The following PPP2R1A variants were observed in gnomAD, a reference collection of about 807,000 sequenced individuals.
The protein encoded by PPP2R1A is serine/threonine-protein phosphatase 2A 65 kDa regulatory subunit A alpha isoform.
In PPP2R1A, 15 loss-of-function variants were observed where a neutral mutation model predicts 67.1. That is an observed-to-expected ratio of 0.22 (90% CI 0.15 to 0.34). PPP2R1A has a LOEUF of 0.34. PPP2R1A is among the 10% of genes least tolerant of loss of function. The pLI is 1.00. For missense variants in PPP2R1A, 369 were observed against 775.0 expected (o/e 0.48, Z 6.22); for synonymous variants, 337 against 325.0 (o/e 1.04, Z -0.40).
chr19:52,201,202 G>A (rs1277546434), intron 1 of PPP2R1A: 2 of 152,268 alleles, frequency 1.3e-5, no homozygotes, highest in South Asian at 2.1e-4. Context: ...TGACGTGCAC[G>A]TCACTGGGAC....
At chr19:52,204,203 G>C (rs541178566) in intron 2 of PPP2R1A, among the ~76,000 whole-genome samples, 1 of 152,350 alleles carries the variant, frequency 6.6e-6, no homozygotes, top group South Asian at 2.1e-4. Flanking sequence ...GAGCAAGATT[G>C]TTAAGGGAGA....
At position 52,219,771 on chromosome 19, in the gene PPP2R1A, C is replaced by G; in HGVS notation, c.1209C>G (p.Ser403=). Residue 403 remains serine, a synonymous_variant, in exon 10 of 15, where the codon TCC becomes TCG. Transcript: ENST00000322088. The surrounding 1 kb of genome is among the most constrained non-coding windows in gnomAD (Gnocchi z 4.0). ...TTGGCATCCGGCAGCTGTCCCAGTC[C>G]CTGCTCCCTGCCATTGTGGAGCTGG... ...EVIGIRQLSQ[S]LLPAIVELAE... The G allele has an allele frequency of 6.2e-7, 1 of 1,614,070 alleles. No individual in the cohort carries two copies. The highest frequency in any genetic ancestry group is 8.5e-7 in the Non-Finnish European group (1 of 1,180,046).
rs1600168554 is a variant in PPP2R1A, at chr19:52,213,455, G to GTGTTTTT, written c.807+347_807+353dup. On this transcript the variant is annotated intron_variant, in intron 6 of 14. Transcript: ENST00000322088. The surrounding 1 kb of genome is among the most constrained non-coding windows in gnomAD (Gnocchi z 4.2). Reference sequence around the variant, plus strand: ...CAGCCCAAAAAGGTGGGGTTTTTTGGTGTTTTTTTTTTTTTTTTTTTTTTT... The same window carrying GTGTTTTT: ...CAGCCCAAAAAGGTGGGGTTTTTTGGTGTTTTTTGTTTTTTTTTTTTTTTTTTTTTTT... Among the ~76,000 whole-genome samples, 1 of 112,982 alleles carries GTGTTTTT rather than the reference G, an allele frequency of 8.9e-6. No individual in the cohort carries two copies. The highest frequency in any genetic ancestry group is 2.6e-4 in the East Asian group (1 of 3,824). 74.1% of individuals were successfully genotyped at this position (112,982 alleles called of 152,430 possible). A position where few individuals can be genotyped will look rare whatever the true frequency, so the allele number is the denominator to read the frequency against.
Position 52,219,654 on chromosome 19 carries a change from AT to A in PPP2R1A, c.1129-35del, listed in dbSNP as rs768773150. ...CATCCTGTCCTGGGTTGCTGTGTGC[AT>A]TGCATTCTCTCAGAATCCTTCTTTC... is the stretch of plus-strand genomic sequence containing the variant. On this transcript the variant is annotated intron_variant, in intron 9 of 14. Coordinates refer to ENST00000322088, the MANE Select transcript of PPP2R1A (RefSeq NM_014225.6). The surrounding 1 kb of genome is among the most constrained non-coding windows in gnomAD (Gnocchi z 4.0). 1.2e-4 allele frequency: 189 copies of A among 1,578,882 alleles called. No individual in the cohort carries two copies. Among genetic ancestry groups the A allele is most frequent in the Non-Finnish European group, 1.6e-4 (186 of 1,155,208 alleles).
chr19:52,212,483 T>C lies in PPP2R1A; in HGVS notation c.504-203T>C. 1 of 605,358 alleles carries C rather than the reference T, an allele frequency of 1.7e-6. No homozygotes were observed. 37.5% of individuals were successfully genotyped at this position (605,358 alleles called of 1,614,324 possible). A position where few individuals can be genotyped will look rare whatever the true frequency, so the allele number is the denominator to read the frequency against. Reference sequence around the variant, plus strand: ...TCTGCGAAGTGTCTCACACACACTATTTTCATTTAAACCTCATGCGGACCT... The same window carrying C: ...TCTGCGAAGTGTCTCACACACACTACTTTCATTTAAACCTCATGCGGACCT... On this transcript the variant is annotated intron_variant, in intron 4 of 14. Coordinates refer to ENST00000322088, the MANE Select transcript of PPP2R1A (RefSeq NM_014225.6). The surrounding 1 kb of genome is among the most constrained non-coding windows in gnomAD (Gnocchi z 4.1).
intron 1 of PPP2R1A, among the ~76,000 whole-genome samples, chr19:52,199,648 C>T (rs374055658): frequency 3.7e-4 from 57 of 152,312 alleles, no homozygotes; most frequent in African/African-American, 1.3e-3. Flanking sequence ...TGGTTGTTTT[C>T]AGTGCCACGC....
intron 7 of PPP2R1A, 47 bp from the exon 8 acceptor site, chr19:52,215,957 A>T (rs758079430): frequency 6.2e-7 from 1 of 1,609,134 alleles, no homozygotes; most frequent in Non-Finnish European, 8.5e-7. Context: ...AGGTGGAACT[A>T]GCACATCAGG....
intron 3 of PPP2R1A, among the ~76,000 whole-genome samples, chr19:52,208,231 G>A (rs183448249): frequency 6.6e-6 from 1 of 151,214 alleles, no homozygotes; most frequent in African/African-American, 2.4e-5. Flanking sequence ...TGCAGTGGCG[G>A]GATCTCGGCT....
intron 1 of PPP2R1A, among the ~76,000 whole-genome samples, chr19:52,192,311 T>C (rs1412172026): frequency 6.6e-6 from 1 of 151,268 alleles, no homozygotes; most frequent in African/African-American, 2.4e-5. Context: ...TTTTTTTTTT[T>C]CTTCTTTTTT....
At chr19:52,215,027 T>C (rs1440846141) in intron 6 of PPP2R1A, among the ~76,000 whole-genome samples, 2 of 152,128 alleles carry the variant, frequency 1.3e-5, no homozygotes, top group African/African-American at 4.8e-5. Context: ...CGCCCAGCCC[T>C]AGAGTGCCTT....
rs1979253348 is a variant in PPP2R1A at position 52,226,215 on chromosome 19, A to G, written c.*234A>G. The G allele has an allele frequency of 1.6e-6, 1 of 618,358 alleles. No individual in the cohort carries two copies. The highest frequency in any genetic ancestry group is 2.8e-6 in the Non-Finnish European group (1 of 357,974). 38.3% of individuals were successfully genotyped at this position (618,358 alleles called of 1,614,324 possible). A position where few individuals can be genotyped will look rare whatever the true frequency, so the allele number is the denominator to read the frequency against. On this transcript the variant is annotated 3_prime_UTR_variant, in exon 15 of 15. Coordinates refer to ENST00000322088, the MANE Select transcript of PPP2R1A (RefSeq NM_014225.6). ...GGACAGGACAGTGACCTTGGGAGGAAGGGGCTACTCCGCCCACGTCAGGGA... is the reference window on the plus strand; with the variant it reads ...GGACAGGACAGTGACCTTGGGAGGAGGGGGCTACTCCGCCCACGTCAGGGA...
At position 52,216,599 on chromosome 19, in the gene PPP2R1A, T is replaced by C; in HGVS notation, c.1064T>C (p.Ile355Thr). ...LASVIMGLSP[I>T]LGKDNTIEHL... ...TCAGTCATCATGGGTCTCTCTCCCA[T>C]CTTGGGCAAAGACAACACCATCGAG... Residue 355 changes from isoleucine (I) to threonine (T), a missense_variant, in exon 9 of 15, where the codon ATC (isoleucine) becomes ACC (threonine). This residue lies in a region of PPP2R1A where 276 missense variants were observed against 508.4 expected (regional missense o/e 0.54). Transcript: ENST00000322088. This position sits in a 1 kb window ranked among gnomAD's most constrained non-coding sequence, Gnocchi z 4.3. 1 of 1,614,122 alleles carries C rather than the reference T, an allele frequency of 6.2e-7. No individual in the cohort carries two copies. The highest frequency in any genetic ancestry group is 1.1e-5 in the South Asian group (1 of 91,068).
intron 6 of PPP2R1A, among the ~76,000 whole-genome samples, chr19:52,214,945 C>T (rs941015811): frequency 6.6e-6 from 1 of 152,104 alleles, no homozygotes; most frequent in Non-Finnish European, 1.5e-5. Flanking sequence ...AGGCTGGTCT[C>T]GAATTCCTGG....
rs568506492 is a variant in PPP2R1A at position 52,201,307 on chromosome 19, A to T, written c.79-637A>T. 3 of 152,146 alleles carry T rather than the reference A, an allele frequency of 2.0e-5. No homozygotes were observed. In the East Asian group the frequency reaches 5.8e-4, roughly 29 times the overall value. The allele number at this position is 152,146 out of a possible 1,614,324, so 9.4% of individuals were successfully genotyped here. ...GTTTTTGTAGTCATTTTATTACAAT[A>T]ATTTTTTTTTCTCTTTGAGACAAAG... On this transcript the variant is annotated intron_variant, in intron 1 of 14. Coordinates refer to ENST00000322088, the MANE Select transcript of PPP2R1A (RefSeq NM_014225.6).
intron 9 of PPP2R1A, among the ~76,000 whole-genome samples, chr19:52,218,547 T>G (rs1361390505): frequency 3.9e-5 from 6 of 152,222 alleles, no homozygotes; most frequent in Non-Finnish European, 8.8e-5. Context: ...CATGACAAAT[T>G]TTATGACTTA....
chr19:52,212,457 A>C lies in PPP2R1A; in HGVS notation c.504-229A>C. 3.6e-6 allele frequency: 2 copies of C among 560,334 alleles called. No individual in the cohort carries two copies. Among genetic ancestry groups the C allele is most frequent in the Non-Finnish European group, 6.3e-6 (2 of 318,578 alleles). 34.7% of individuals were successfully genotyped at this position (560,334 alleles called of 1,614,324 possible). A position where few individuals can be genotyped will look rare whatever the true frequency, so the allele number is the denominator to read the frequency against. ...GCATTGACTAGATTTATTATGCGCAATCTGCGAAGTGTCTCACACACACTA... is the reference window on the plus strand; with the variant it reads ...GCATTGACTAGATTTATTATGCGCACTCTGCGAAGTGTCTCACACACACTA... On this transcript the variant is annotated intron_variant, in intron 4 of 14. Transcript: ENST00000322088. This position sits in a 1 kb window ranked among gnomAD's most constrained non-coding sequence, Gnocchi z 4.1.
At position 52,204,911 on chromosome 19, in the gene PPP2R1A, CAG is replaced by C. The variant is rs1339635727; in HGVS notation, c.170-1046_170-1045del. On this transcript the variant is annotated intron_variant, in intron 2 of 14. Coordinates refer to ENST00000322088, the MANE Select transcript of PPP2R1A (RefSeq NM_014225.6). ...GGTGATTTAGGGGATGACAAAGGCT[CAG>C]AGAGATGAAGTGAGCTGCTGTATAA... Among the ~76,000 whole-genome samples, 5 of 152,246 alleles carry C rather than the reference CAG, an allele frequency of 3.3e-5. No individual in the cohort carries two copies. In the South Asian group the frequency reaches 6.2e-4, roughly 19 times the overall value.
chr19:52,206,875 C>G (rs2089608912), intron 3 of PPP2R1A, among the ~76,000 whole-genome samples: 1 of 152,176 alleles, frequency 6.6e-6, no homozygotes, highest in South Asian at 2.1e-4. Context: ...GCCCCACTCC[C>G]CCAGTGATTG....
At chr19:52,206,530 A>G (rs2089604160) in intron 3 of PPP2R1A, among the ~76,000 whole-genome samples, 1 of 152,228 alleles carries the variant, frequency 6.6e-6, no homozygotes, top group African/African-American at 2.4e-5. Context: ...TTGCTGTGAC[A>G]TCATATCCAG....
Sources: gnomAD v4.1 joint callset for allele counts (sites outside exome capture counted in the v4.1 genomes callset) on GRCh38, gnomAD v4.1.1 for gene constraint, gnomAD v4.1.1 regional missense constraint, Gnocchi (gnomAD v3.1) non-coding constraint, MANE v1.5 for transcripts, NCBI Gene and HGNC (gene_info 2026-07-23, HGNC 2026-07-21) for gene names.